The following PAQR7 variants were observed in gnomAD, a reference collection of about 807,000 sequenced individuals.
The protein encoded by PAQR7 is progestin and adipoQ receptor family member 7, also known as membrane progestin receptor alpha.
PAQR7 carries 14 observed loss-of-function variants against 24.6 expected under a neutral mutation model. The observed-to-expected ratio is 0.57, with a 90% CI of 0.38 to 0.89. The LOEUF is 0.89. PAQR7 is among the 40% of genes least tolerant of loss of function. The pLI is 0.00. For missense variants in PAQR7, 351 were observed against 444.0 expected, an observed-to-expected ratio of 0.79 and a Z score of 1.88; for synonymous variants, 189 against 198.8, an observed-to-expected ratio of 0.95 and a Z score of 0.42.
At chr1:25,865,562 C>T (rs1471411598) in intron 2 of PAQR7, among the ~76,000 whole-genome samples, 1 of 152,154 alleles carries the variant, frequency 6.6e-6, no homozygotes, top group Non-Finnish European at 1.5e-5. Context: ...GTAATCCCAG[C>T]ACTTTGGGAG....
At chr1:25,865,104 G>A (rs11247819) in intron 2 of PAQR7, among the ~76,000 whole-genome samples, 3,999 of 147,968 alleles carry the variant, frequency 0.027, 197 homozygotes, top group African/African-American at 0.093. Context: ...TGCAGTGCGC[G>A]CCACTGCACT....
chr1:25,872,321 T>C (rs533276019), intron 1 of PAQR7, among the ~76,000 whole-genome samples: 1 of 152,222 alleles, frequency 6.6e-6, no homozygotes, highest in South Asian at 2.1e-4. Context: ...TTTCTCCAAA[T>C]GTCAAAGGAG....
rs1352111905 is a variant in PAQR7, at chr1:25,875,481, C to G, written c.-109+7G>C. Among the ~76,000 whole-genome samples the G allele has an allele frequency of 6.6e-6, 1 of 152,070 alleles. No individual in the cohort carries two copies. The highest frequency in any genetic ancestry group is 2.1e-4 in the South Asian group (1 of 4,830). On this transcript the variant is annotated splice_region_variant and intron_variant, in intron 1 of 2. Coordinates refer to ENST00000675840, the MANE Select transcript of PAQR7 (RefSeq NM_178422.6). This position sits in a 1 kb window ranked among gnomAD's most constrained non-coding sequence, Gnocchi z 5.4. ...AGCCAGGCCTCCCCGTCTTGGCAGC[C>G]CCGTACCTGAGCCGGAGCCGAGCTG...
intron 2 of PAQR7, among the ~76,000 whole-genome samples, chr1:25,864,422 C>A (rs959418307): frequency 8.5e-5 from 13 of 152,188 alleles, no homozygotes; most frequent in Admixed American, 7.9e-4. Context: ...TGCACAACCA[C>A]AGTGCACTTC....
chr1:25,867,902 A>T (rs1463115246), intron 2 of PAQR7, among the ~76,000 whole-genome samples: 1 of 152,236 alleles, frequency 6.6e-6, no homozygotes, highest in Non-Finnish European at 1.5e-5. Flanking sequence ...TACTTAGGAC[A>T]ACAGGCATGT....
rs755991888 is a variant in PAQR7 at position 25,863,193 on chromosome 1, A to G, written c.647T>C (p.Leu216Pro). 4.5e-5 allele frequency: 72 copies of G among 1,614,258 alleles called. No homozygotes were observed. In the Middle Eastern group the frequency reaches 6.6e-3, roughly 148 times the overall value. Residue 216 changes from leucine to proline, a missense_variant, in exon 3 of 3, where the codon CTG becomes CCG. By Grantham distance (98) the Leu-to-Pro change is moderately conservative (BLOSUM62 -3). Transcript: ENST00000675840. The surrounding 1 kb of genome is among the most constrained non-coding windows in gnomAD (Gnocchi z 6.1). ...ACGATGCACCACAGGACTAATGTCC[A>G]GTGCGTAGGCCAGGACGGAGGGCAC... is the stretch of plus-strand genomic sequence containing the variant. ...QEVPSVLAYA[L>P]DISPVVHRIF...
intron 1 of PAQR7, among the ~76,000 whole-genome samples, chr1:25,874,873 T>C (rs567359579): frequency 2.6e-4 from 40 of 152,284 alleles, no homozygotes; most frequent in African/African-American, 9.1e-4. Flanking sequence ...CCAAGGTGTC[T>C]AGACTGCTTG....
Position 25,862,827 on chromosome 1 carries a change from T to C in PAQR7, c.1013A>G (p.Gln338Arg), listed in dbSNP as rs1321990941. ...CTTGGTCTTCTGATCAAGTTTGCGC[T>C]GTACCAGCTGGCTCAGGAGGAATGC... ...LTAFLLSQLV[Q>R]RKLDQKTK Residue 338 changes from glutamine (Q) to arginine (R), a missense_variant, in exon 3 of 3, where the codon CAG (glutamine) becomes CGG (arginine). Transcript: ENST00000675840. 5.0e-6 allele frequency: 8 copies of C among 1,613,878 alleles called. No individual in the cohort carries two copies. The highest frequency in any genetic ancestry group is 1.3e-5 in the African/African-American group (1 of 74,914).
In PAQR7 at chr1:25,863,819, G is replaced by GA; in HGVS notation, c.20dup (p.Ser8GlnfsTer30). The GA allele has an allele frequency of 6.2e-7, 1 of 1,612,744 alleles. No homozygotes were observed. Among genetic ancestry groups the GA allele is most frequent in the Non-Finnish European group, 8.5e-7 (1 of 1,179,504 alleles). On this transcript the variant is annotated frameshift_variant, in exon 3 of 3. Coordinates refer to ENST00000675840, the MANE Select transcript of PAQR7 (RefSeq NM_178422.6). LOFTEE classifies it high-confidence loss of function. This position sits in a 1 kb window ranked among gnomAD's most constrained non-coding sequence, Gnocchi z 6.1. ...GCCGCAGACTCGGCAGGAGGTGGCTGAGTTTCTGGGCCATGGCCATGGCTG... is the reference window on the plus strand; with the variant it reads ...GCCGCAGACTCGGCAGGAGGTGGCTGAAGTTTCTGGGCCATGGCCATGGCTG...
At chr1:25,874,992 C>T (rs2048637241) in intron 1 of PAQR7, among the ~76,000 whole-genome samples, 1 of 152,210 alleles carries the variant, frequency 6.6e-6, no homozygotes, top group Non-Finnish European at 1.5e-5. Flanking sequence ...ACCCATACCC[C>T]TTCCTGTCCC....
chr1:25,874,765 C>G (rs1329272891), intron 1 of PAQR7, among the ~76,000 whole-genome samples: 2 of 152,206 alleles, frequency 1.3e-5, no homozygotes, highest in African/African-American at 4.8e-5. Context: ...TCTTCAAAAC[C>G]TGCAGCCTTG....
At chr1:25,866,290 G>A (rs1466234323) in intron 2 of PAQR7, among the ~76,000 whole-genome samples, 1 of 151,968 alleles carries the variant, frequency 6.6e-6, no homozygotes, top group African/African-American at 2.4e-5. Flanking sequence ...TCCTTTCCCT[G>A]CACTGAAATC....
rs967200174 is a variant in PAQR7 at position 25,863,981 on chromosome 1, C to G, written c.-22-120G>C. ...TCTCCGACAGCCTTATCCTTACACTCGGTTTAAGAACAGAAGACTCATCCT... is the reference window on the plus strand; with the variant it reads ...TCTCCGACAGCCTTATCCTTACACTGGGTTTAAGAACAGAAGACTCATCCT... On this transcript the variant is annotated intron_variant, in intron 2 of 2. Coordinates refer to ENST00000675840, the MANE Select transcript of PAQR7 (RefSeq NM_178422.6). The surrounding 1 kb of genome is among the most constrained non-coding windows in gnomAD (Gnocchi z 6.1). 5.0e-5 allele frequency: 36 copies of G among 724,102 alleles called. No homozygotes were observed. The highest frequency in any genetic ancestry group is 4.4e-4 in the Admixed American group (15 of 34,102). The allele number at this position is 724,102 out of a possible 1,614,324, so 44.9% of individuals were successfully genotyped here.
At chr1:25,869,458 G>C (rs1160313177) in intron 2 of PAQR7, among the ~76,000 whole-genome samples, 3 of 151,930 alleles carry the variant, frequency 2.0e-5, no homozygotes, top group Non-Finnish European at 4.4e-5. Context: ...TGTAATCCCA[G>C]CTACTCAGGA....
chr1:25,863,403 A>G lies in PAQR7; in HGVS notation c.437T>C (p.Val146Ala). 1 of 1,614,202 alleles carries G rather than the reference A, an allele frequency of 6.2e-7. No individual in the cohort carries two copies. Among genetic ancestry groups the G allele is most frequent in the Non-Finnish European group, 8.5e-7 (1 of 1,180,028 alleles). ...GGCACTGCCAAACTGGTACACGGCC[A>G]CCCCCACATAGTCCAGGAAGAAGAA... ...YSFFFLDYVG[V>A]AVYQFGSALA... is the part of the protein sequence containing the mutation. Residue 146 changes from valine (V) to alanine (A), a missense_variant, in exon 3 of 3, where the codon GTG (valine) becomes GCG (alanine). By Grantham distance (64) the Val-to-Ala change is moderately conservative. Coordinates refer to ENST00000675840, the MANE Select transcript of PAQR7 (RefSeq NM_178422.6). The surrounding 1 kb of genome is among the most constrained non-coding windows in gnomAD (Gnocchi z 6.1).
chr1:25,869,924 C>T (rs1453992504), intron 2 of PAQR7, among the ~76,000 whole-genome samples: 1 of 152,156 alleles, frequency 6.6e-6, no homozygotes. Context: ...ATATAATGGG[C>T]CCTATGGACA....
In PAQR7 at chr1:25,863,353, C is replaced by T. The variant is rs1366988771; in HGVS notation, c.487G>A (p.Glu163Lys). The T allele has an allele frequency of 6.8e-6, 11 of 1,614,054 alleles. No individual in the cohort carries two copies. The African/African-American group carries it at 8.0e-5, about 12-fold the overall frequency. The change falls in exon 3 of 3, where the codon GAG becomes AAG. Residue 163 changes from glutamate to lysine, a missense_variant. Physicochemically the swap from Glu to Lys is moderately conservative, Grantham distance 56. Coordinates refer to ENST00000675840, the MANE Select transcript of PAQR7 (RefSeq NM_178422.6). The surrounding 1 kb of genome is among the most constrained non-coding windows in gnomAD (Gnocchi z 6.1). ...SALAHFYYAI[E>K]PAWHAQVQAV... ...TGCACCTGGGCATGCCAGGCGGGCT[C>T]GATAGCATAGTAGAAGTGTGCCAAG... is the stretch of plus-strand genomic sequence containing the variant.
In PAQR7 at chr1:25,862,956, A is replaced by G. The variant is rs1222464075; in HGVS notation, c.884T>C (p.Leu295Pro). ...CTLAQLEAVALDYEARRPIYE... is the reference protein window; with the variant it reads ...CTLAQLEAVAPDYEARRPIYE... Reference sequence around the variant, plus strand: ...GATGGGCCGTCGGGCCTCATAGTCCAGTGCCACAGCCTCCAGCTGAGCCAG... The same window carrying G: ...GATGGGCCGTCGGGCCTCATAGTCCGGTGCCACAGCCTCCAGCTGAGCCAG... The change falls in exon 3 of 3, where the codon CTG becomes CCG. Residue 295 changes from leucine (L) to proline (P), a missense_variant. Leu to Pro is a moderately conservative substitution (Grantham distance 98). Transcript: ENST00000675840. The G allele has an allele frequency of 1.9e-6, 3 of 1,614,172 alleles. No individual in the cohort carries two copies. Among genetic ancestry groups the G allele is most frequent in the Non-Finnish European group, 2.5e-6 (3 of 1,180,046 alleles).
chr1:25,875,280 T>C lies in PAQR7; in HGVS notation c.-109+208A>G, dbSNP rs927119406. Among the ~76,000 whole-genome samples the C allele has an allele frequency of 2.6e-5, 4 of 152,142 alleles. No individual in the cohort carries two copies. The highest frequency in any genetic ancestry group is 9.7e-5 in the African/African-American group (4 of 41,442). Reference sequence around the variant, plus strand: ...CTTCCTGCGCCCTCCGCTGGCTGCTTCCCCGGGCGGGCGTCCTCTCACTTA... The same window carrying C: ...CTTCCTGCGCCCTCCGCTGGCTGCTCCCCCGGGCGGGCGTCCTCTCACTTA... On this transcript the variant is annotated intron_variant, in intron 1 of 2. Transcript: ENST00000675840. The surrounding 1 kb of genome is among the most constrained non-coding windows in gnomAD (Gnocchi z 5.4).
Sources: gnomAD v4.1 joint callset for allele counts (sites outside exome capture counted in the v4.1 genomes callset) on GRCh38, gnomAD v4.1.1 for gene constraint, Gnocchi (gnomAD v3.1) non-coding constraint, MANE v1.5 for transcripts, NCBI Gene and HGNC (gene_info 2026-07-23, HGNC 2026-07-21) for gene names.